The following GRM5 variants were observed in gnomAD, a reference collection of about 807,000 sequenced individuals.
GRM5 encodes the protein glutamate metabotropic receptor 5.
A neutral mutation model predicts 83.1 loss-of-function variants in GRM5; 19 were observed. The observed-to-expected ratio is 0.23, with a 90% CI of 0.16 to 0.34. The LOEUF is 0.34. Ranked by LOEUF, GRM5 falls within the 10% of genes least tolerant of loss-of-function variation. GRM5 has a pLI of 1.00. For missense variants in GRM5, 1,160 were observed against 1,588.3 expected (o/e 0.73, Z 4.58); for synonymous variants, 675 against 633.6 (o/e 1.07, Z -0.98).
chr11:88,699,475 G>A (rs1450612829), intron 3 of GRM5, among the ~76,000 whole-genome samples: 1 of 152,108 alleles, frequency 6.6e-6, no homozygotes. Flanking sequence ...TGCCAGGAGT[G>A]TTGATTGCTG....
At chr11:88,928,939 C>CAG (rs1945840084) in intron 2 of GRM5, among the ~76,000 whole-genome samples, 1 of 151,800 alleles carries the variant, frequency 6.6e-6, no homozygotes, top group Non-Finnish European at 1.5e-5. Context: ...CACACACACA[C>CAG]ACACACTCAA....
chr11:88,660,878 T>C (rs61902896), intron 3 of GRM5, among the ~76,000 whole-genome samples: 18,310 of 152,252 alleles, frequency 0.12, 1,458 homozygotes, highest in Non-Finnish European at 0.18. Flanking sequence ...ATGTAATTCA[T>C]CAAGCAGACA....
intron 3 of GRM5, among the ~76,000 whole-genome samples, chr11:88,688,287 T>C (rs6483367): frequency 0.99 from 151,358 of 152,346 alleles, 75,197 homozygotes; most frequent in East Asian, 1. Flanking sequence ...CTAGTTATTA[T>C]ATAATCTCTT....
intron 8 of GRM5, among the ~76,000 whole-genome samples, chr11:88,540,314 T>G (rs1374899391): frequency 6.6e-6 from 1 of 152,170 alleles, no homozygotes; most frequent in Non-Finnish European, 1.5e-5. Flanking sequence ...TTTGGACAAC[T>G]TAGAAACAAA....
At chr11:89,051,958 A>G (rs1452462657) in intron 1 of GRM5, among the ~76,000 whole-genome samples, 3 of 152,192 alleles carry the variant, frequency 2.0e-5, no homozygotes, top group African/African-American at 7.2e-5. Context: ...AAGTTGAATC[A>G]ACTGTATTTG....
intron 4 of GRM5, among the ~76,000 whole-genome samples, chr11:88,637,311 A>C (rs963148811): frequency 3.3e-5 from 5 of 151,838 alleles, no homozygotes; most frequent in African/African-American, 1.2e-4. Flanking sequence ...AATGGGATCT[A>C]ATTAAACTAA....
chr11:88,573,773 A>G (rs1943052813), intron 7 of GRM5, among the ~76,000 whole-genome samples: 2 of 152,132 alleles, frequency 1.3e-5, no homozygotes, highest in South Asian at 4.1e-4. Flanking sequence ...CTTGCTTTCC[A>G]TCTATTTAAC....
chr11:88,834,112 A>G (rs900120904), intron 3 of GRM5, among the ~76,000 whole-genome samples: 4 of 152,184 alleles, frequency 2.6e-5, no homozygotes, highest in African/African-American at 9.7e-5. Flanking sequence ...ATAAGAGAGA[A>G]CTTGATATGT....
intron 3 of GRM5, among the ~76,000 whole-genome samples, chr11:88,733,762 T>G (rs1208928868): frequency 6.6e-6 from 1 of 152,056 alleles, no homozygotes; most frequent in East Asian, 1.9e-4. Context: ...CGAGAACGTG[T>G]AAATTTTATT....
At chr11:88,797,175 A>G (rs1184658700) in intron 3 of GRM5, among the ~76,000 whole-genome samples, 9 of 151,950 alleles carry the variant, frequency 5.9e-5, no homozygotes, top group Non-Finnish European at 8.8e-5. Flanking sequence ...TTAGAGACAG[A>G]GTCTTGCTCT....
At chr11:88,702,757 C>A (rs1373120891) in intron 3 of GRM5, among the ~76,000 whole-genome samples, 1 of 151,904 alleles carries the variant, frequency 6.6e-6, no homozygotes, top group Non-Finnish European at 1.5e-5. Flanking sequence ...TTTGTGTGGT[C>A]ATAATCCAAT....
In GRM5 at chr11:88,855,377, G is replaced by T. The variant is rs138346728; in HGVS notation, c.662-5222C>A. Among the ~76,000 whole-genome samples the T allele has an allele frequency of 6.3e-3, 951 of 151,678 alleles. 11 individuals are homozygous for T. Among genetic ancestry groups the T allele is most frequent in the African/African-American group, 0.022 (895 of 41,392 alleles). ...TCATTTATTTATTTTTACTAATGCT[G>T]TTCTTTCTACATGGAATACATTTTT... is the stretch of plus-strand genomic sequence containing the variant. On this transcript the variant is annotated intron_variant, in intron 2 of 9. Transcript: ENST00000305447.
chr11:88,783,434 C>A (rs966494193), intron 3 of GRM5, among the ~76,000 whole-genome samples: 12 of 151,992 alleles, frequency 7.9e-5, no homozygotes, highest in African/African-American at 2.7e-4. Context: ...TTTACAGGCA[C>A]TAGCACACTA....
At chr11:88,518,400 C>T (rs927104694) in intron 9 of GRM5, among the ~76,000 whole-genome samples, 9 of 151,882 alleles carry the variant, frequency 5.9e-5, no homozygotes, top group Non-Finnish European at 1.2e-4. Flanking sequence ...AGCTACTCAT[C>T]ATACATAATT....
At chr11:88,549,070 G>C (rs532771098) in intron 8 of GRM5, among the ~76,000 whole-genome samples, 1 of 152,258 alleles carries the variant, frequency 6.6e-6, no homozygotes, top group Non-Finnish European at 1.5e-5. Flanking sequence ...TAAAATAAGT[G>C]AAACACTTGG....
At chr11:89,017,481 A>C (rs541179795) in intron 2 of GRM5, among the ~76,000 whole-genome samples, 1 of 152,326 alleles carries the variant, frequency 6.6e-6, no homozygotes, top group East Asian at 1.9e-4. Flanking sequence ...AGATGTAATG[A>C]AAATGCCTCT....
At chr11:88,771,424 C>T (rs951625262) in intron 3 of GRM5, among the ~76,000 whole-genome samples, 2 of 152,066 alleles carry the variant, frequency 1.3e-5, no homozygotes, top group African/African-American at 4.8e-5. Flanking sequence ...CCCTAGCAAC[C>T]CACTGGTGTA....
chr11:88,778,184 G>A (rs1290731902), intron 3 of GRM5, among the ~76,000 whole-genome samples: 1 of 152,186 alleles, frequency 6.6e-6, no homozygotes, highest in Non-Finnish European at 1.5e-5. Flanking sequence ...CCCCAGCCAG[G>A]CTACAGCCTG....
rs369237564 is a variant in GRM5, at chr11:88,526,481, C to T, written c.2631-1077G>A. ...ACCACCTGTAGAGCTTGCAGGGGCC[C>T]AGAGCTCTTAAGGTTTTATTACCTT... is the stretch of plus-strand genomic sequence containing the variant. On this transcript the variant is annotated intron_variant, in intron 8 of 9. Coordinates refer to ENST00000305447, the MANE Select transcript of GRM5 (RefSeq NM_001143831.3). Among the ~76,000 whole-genome samples, 63 of 152,240 alleles carry T rather than the reference C, an allele frequency of 4.1e-4. 1 individual carries two copies. In the East Asian group the frequency reaches 0.01, roughly 25 times the overall value.
Sources: gnomAD v4.1 joint callset for allele counts (sites outside exome capture counted in the v4.1 genomes callset) on GRCh38, gnomAD v4.1.1 for gene constraint, MANE v1.5 for transcripts, NCBI Gene and HGNC (gene_info 2026-07-23, HGNC 2026-07-21) for gene names.